Variants in ABHD12B observed in about 807,000 individuals in gnomAD.
ABHD12B encodes protein ABHD12B.
Under a neutral mutation model 50.4 loss-of-function variants are expected in ABHD12B, and 42 were observed. That is an observed-to-expected ratio of 0.83 (90% CI 0.65 to 1.08). The LOEUF (loss-of-function observed/expected upper bound fraction) is 1.08, where lower values mean the gene tolerates loss of function less well. ABHD12B is among the 50% of genes least tolerant of loss of function. The pLI is 0.00. For synonymous variants in ABHD12B, 167 were observed against 160.3 expected, an observed-to-expected ratio of 1.04 and a Z score of -0.32; for missense variants, 479 against 447.7, an observed-to-expected ratio of 1.07 and a Z score of -0.63.
chr14:50,899,748 C>CA (rs2050241295), intron 9 of ABHD12B, among the ~76,000 whole-genome samples: 1 of 151,992 alleles, frequency 6.6e-6, no homozygotes, highest in Admixed American at 6.6e-5. Context: ...CATGGCGAAA[C>CA]ACCATCTCTA....
rs1446321045 is a variant in ABHD12B at position 50,878,193 on chromosome 14, G to C, written c.232+114G>C. 4.3e-6 allele frequency: 4 copies of C among 933,808 alleles called. No homozygotes were observed. In the East Asian group the frequency reaches 8.3e-5, roughly 19 times the overall value. 57.8% of individuals were successfully genotyped at this position (933,808 alleles called of 1,614,324 possible). On this transcript the variant is annotated intron_variant, in intron 2 of 12. Transcript: ENST00000337334. ...CATGTCAGCTGTAAAATTGTGGTTA[G>C]ACTGAAATGGTCTGAAACTTATTTA...
At chr14:50,886,458 A>G (rs2050039187) in intron 7 of ABHD12B, among the ~76,000 whole-genome samples, 189 bp from the exon 8 acceptor site, 2 of 149,756 alleles carry the variant, frequency 1.3e-5, no homozygotes, top group Non-Finnish European at 3.0e-5. Context: ...AAAAAAAAAA[A>G]GAAAGAAAGA....
chr14:50,881,689 T>C (rs2049951437), intron 5 of ABHD12B, 63 bp downstream of exon 5: 2 of 1,599,138 alleles, frequency 1.3e-6, no homozygotes, highest in South Asian at 2.2e-5. Context: ...CATAAGATTT[T>C]CCTCAGGCCC....
At chr14:50,882,057 T>C (rs2049959536) in intron 5 of ABHD12B, among the ~76,000 whole-genome samples, 1 of 151,846 alleles carries the variant, frequency 6.6e-6, no homozygotes, top group African/African-American at 2.4e-5. Context: ...TGCCTCAGCC[T>C]CCCGAGTAGC....
chr14:50,897,974 C>G (rs2050217355), intron 9 of ABHD12B, among the ~76,000 whole-genome samples: 1 of 152,148 alleles, frequency 6.6e-6, no homozygotes, highest in Non-Finnish European at 1.5e-5. Flanking sequence ...AGGCTTTGCT[C>G]ACAGGTGTGG....
intron 9 of ABHD12B, chr14:50,893,010 T>G (rs1032473043): frequency 1.3e-5 from 2 of 152,232 alleles, no homozygotes; most frequent in African/African-American, 2.4e-5. Flanking sequence ...ATGATTTTAG[T>G]CTTTTGAAAT....
intron 5 of ABHD12B, 43 bp from the exon 6 acceptor site, chr14:50,885,571 T>C: frequency 6.2e-7 from 1 of 1,612,342 alleles, no homozygotes; most frequent in Non-Finnish European, 8.5e-7. Flanking sequence ...CTTTTCTGTT[T>C]TCATCTTCTA....
At chr14:50,876,631 G>A (rs2049867409) in intron 1 of ABHD12B, among the ~76,000 whole-genome samples, 1 of 152,176 alleles carries the variant, frequency 6.6e-6, no homozygotes. Flanking sequence ...TGACATCCTG[G>A]AGATCATTAT....
intron 5 of ABHD12B, among the ~76,000 whole-genome samples, chr14:50,883,732 G>A (rs1236207863): frequency 1.3e-5 from 2 of 152,248 alleles, no homozygotes; most frequent in Admixed American, 1.3e-4. Flanking sequence ...CAGGCAGATC[G>A]TGGGCATCAA....
intron 5 of ABHD12B, among the ~76,000 whole-genome samples, chr14:50,882,373 C>CTGTTTTTTTTTTTTT (rs2049965224): frequency 1.2e-5 from 1 of 81,844 alleles, no homozygotes; most frequent in Admixed American, 1.9e-4. Context: ...AGAATGTCTG[C>CTGTTTTTTTTTTTTT]TTTTTTTTTT....
intron 9 of ABHD12B, among the ~76,000 whole-genome samples, chr14:50,899,132 C>T (rs1048623365): frequency 3.3e-5 from 5 of 152,180 alleles, no homozygotes; most frequent in East Asian, 3.9e-4. Context: ...GGCGGAGGTG[C>T]GGTGAACCGA....
intron 8 of ABHD12B, 50 bp downstream of exon 8, chr14:50,886,734 G>C (rs372830872): frequency 1.3e-6 from 2 of 1,496,764 alleles, no homozygotes; most frequent in Non-Finnish European, 1.8e-6. Flanking sequence ...AGATGGGAAA[G>C]TAAAAACAGT....
At chr14:50,896,604 C>G (rs565222617) in intron 9 of ABHD12B, among the ~76,000 whole-genome samples, 4 of 138,790 alleles carry the variant, frequency 2.9e-5, no homozygotes, top group Non-Finnish European at 6.4e-5. Context: ...CAGAAGCTGC[C>G]CCACCTTAAC....
Position 50,904,154 on chromosome 14 carries a change from C to T in ABHD12B, c.1023C>T (p.Asn341=), listed in dbSNP as rs777124829. Residue 341 remains asparagine (N), a synonymous_variant, in exon 12 of 13, where the codon AAC becomes AAT. Transcript: ENST00000337334. ...TCTTTCCTCCTGGCTTCCAACACAACCTGCTTTGTAAAAGCCCCACACTGT... is the reference window on the plus strand; with the variant it reads ...TCTTTCCTCCTGGCTTCCAACACAATCTGCTTTGTAAAAGCCCCACACTGT... ...MVIFPPGFQH[N]LLCKSPTLLI... The T allele has an allele frequency of 2.4e-5, 39 of 1,614,068 alleles. No individual in the cohort carries two copies. Among genetic ancestry groups the T allele is most frequent in the Non-Finnish European group, 3.1e-5 (37 of 1,180,014 alleles).
intron 1 of ABHD12B, among the ~76,000 whole-genome samples, chr14:50,876,543 G>T (rs2049866182): frequency 6.6e-6 from 1 of 152,176 alleles, no homozygotes; most frequent in African/African-American, 2.4e-5. Context: ...AAACAAGATT[G>T]TCTATGAGCA....
In ABHD12B at chr14:50,882,373, C is replaced by CTTTTTTTTTTTTTT. The variant is rs386381352; in HGVS notation, c.486+755_486+768dup. On this transcript the variant is annotated intron_variant, in intron 5 of 12. Coordinates refer to ENST00000337334, the MANE Select transcript of ABHD12B (RefSeq NM_001206673.2). The stretch of plus-strand genomic sequence containing the variant: ...ATAGGCTAAAGACACAGAATGTCTG[C>CTTTTTTTTTTTTTT]TTTTTTTTTTTTTTTTTTTTTGAGA... Among the ~76,000 whole-genome samples, 142 of 81,834 alleles carry CTTTTTTTTTTTTTT rather than the reference C, an allele frequency of 1.7e-3. 33 individuals are homozygous for CTTTTTTTTTTTTTT. Among genetic ancestry groups the CTTTTTTTTTTTTTT allele is most frequent in the East Asian group, 8.7e-3 (19 of 2,172 alleles). The allele number at this position is 81,834 out of a possible 152,430, so 53.7% of individuals were successfully genotyped here.
intron 4 of ABHD12B, among the ~76,000 whole-genome samples, chr14:50,880,975 A>G (rs913535147): frequency 6.6e-6 from 1 of 152,188 alleles, no homozygotes; most frequent in East Asian, 1.9e-4. Context: ...AGAGTCCTTT[A>G]TTTAGCTTTA....
chr14:50,878,830 G>C lies in ABHD12B; in HGVS notation c.318G>C (p.Gly106=). 6.2e-7 allele frequency: 1 copy of C among 1,613,916 alleles called. No homozygotes were observed. Among genetic ancestry groups the C allele is most frequent in the Non-Finnish European group, 8.5e-7 (1 of 1,179,850 alleles). ...ACTTCTACCTGAGAGTTGAACCTGG[G>C]GTGATGCTAGGGATCTGGTGAGTGC... The part of the protein sequence containing the change: ...TVNFYLRVEP[G]VMLGIWHTVP... The change falls in exon 3 of 13, where the codon GGG becomes GGC. Residue 106 remains glycine (G), a synonymous_variant. Coordinates refer to ENST00000337334, the MANE Select transcript of ABHD12B (RefSeq NM_001206673.2).
At chr14:50,875,770 G>T (rs1385492382) in intron 1 of ABHD12B, among the ~76,000 whole-genome samples, 1 of 152,184 alleles carries the variant, frequency 6.6e-6, no homozygotes, top group East Asian at 1.9e-4. Context: ...TTCTCTTCCC[G>T]CAGTGCATCT....
Sources: gnomAD v4.1 joint callset for allele counts (sites outside exome capture counted in the v4.1 genomes callset) on GRCh38, gnomAD v4.1.1 for gene constraint, MANE v1.5 for transcripts, NCBI Gene and HGNC (gene_info 2026-07-23, HGNC 2026-07-21) for gene names.